Variants in IAH1 observed in about 807,000 individuals in gnomAD.
The protein encoded by IAH1 is isoamyl acetate-hydrolyzing esterase 1 homolog.
IAH1 carries 24 observed loss-of-function variants against 26.7 expected under a neutral mutation model. The ratio of observed to expected loss-of-function variants is 0.90; its 90% confidence interval spans 0.65 to 1.26. IAH1 has a LOEUF of 1.26. Ranked by LOEUF, IAH1 falls within the 50% of genes most tolerant of loss-of-function variation. IAH1 has a pLI of 0.00. For synonymous variants in IAH1, 140 were observed against 118.5 expected (o/e 1.18, Z -1.18); for missense variants, 300 against 299.9 (o/e 1.00, Z 0.00).
upstream of IAH1, chr2:9,474,538 G>C (rs1682355075): frequency 5.4e-6 from 7 of 1,293,720 alleles, no homozygotes; most frequent in Non-Finnish European, 7.2e-6. The surrounding 1 kb of genome is among the most constrained non-coding windows in gnomAD (Gnocchi z 4.3). Context: ...CGTGGCTGGC[G>C]GCCCCGCCCC....
chr2:9,480,175 C>G (rs889865148), intron 3 of IAH1, among the ~76,000 whole-genome samples: 1 of 151,996 alleles, frequency 6.6e-6, no homozygotes, highest in Non-Finnish European at 1.5e-5. Flanking sequence ...ATGTGGTCAC[C>G]CTACAACTAA....
chr2:9,507,547 CA>C, the IAH1 span, among the ~76,000 whole-genome samples: 41 of 152,112 alleles, frequency 2.7e-4, no homozygotes, highest in African/African-American at 9.2e-4. Context: ...ATAGAAGATG[CA>C]CATTATCTTC....
chr2:9,488,307 T>G lies in IAH1; in HGVS notation c.725T>G (p.Leu242Arg), dbSNP rs370514738. 4 of 1,608,246 alleles carry G rather than the reference T, an allele frequency of 2.5e-6. No homozygotes were observed. The African/African-American group carries it at 5.4e-5, about 22-fold the overall frequency. ...DVAEAKPELS[L>R]LGDGDH ...GCAGAAGCAAAACCTGAATTAAGTC[T>G]GCTGGGAGATGGAGACCATTAGCCA... The change falls in exon 6 of 6, where the codon CTG (leucine) becomes CGG (arginine). Residue 242 changes from leucine to arginine, a missense_variant. Coordinates refer to ENST00000497473, the MANE Select transcript of IAH1 (RefSeq NM_001039613.3).
At chr2:9,501,249 G>A (rs1662984564), downstream of IAH1, among the ~76,000 whole-genome samples, 1 of 151,890 alleles carries the variant, frequency 6.6e-6, no homozygotes, top group African/African-American at 2.4e-5. Flanking sequence ...GACAAGGGCT[G>A]TTAAAAAAAA....
At chr2:9,479,919 C>T (rs1013535966) in intron 3 of IAH1, among the ~76,000 whole-genome samples, 3 of 147,744 alleles carry the variant, frequency 2.0e-5, no homozygotes, top group Admixed American at 7.1e-5. Flanking sequence ...AATGATTCTC[C>T]TGCTTCAGCC....
Position 9,489,371 on chromosome 2 carries a change from C to T in IAH1, c.*1042C>T, listed in dbSNP as rs1025147870. On this transcript the variant is annotated 3_prime_UTR_variant, in exon 6 of 6. Coordinates refer to ENST00000497473, the MANE Select transcript of IAH1 (RefSeq NM_001039613.3). ...GTGCTGGGATTACAGGCATGAGCCA[C>T]CACTCCCAGCCAATAGTGAATTTTC... is the stretch of plus-strand genomic sequence containing the variant. 1 of 149,760 alleles carries T rather than the reference C, an allele frequency of 6.7e-6. No individual in the cohort carries two copies. The highest frequency in any genetic ancestry group is 1.5e-5 in the Non-Finnish European group (1 of 67,806). The allele number at this position is 149,760 out of a possible 1,614,324, so 9.3% of individuals were successfully genotyped here.
At position 9,484,481 on chromosome 2, in the gene IAH1, G is replaced by A. The variant is rs199532882; in HGVS notation, c.495G>A (p.Ala165=). The A allele has an allele frequency of 1.7e-5, 28 of 1,614,190 alleles. No individual in the cohort carries two copies. The highest frequency in any genetic ancestry group is 8.0e-5 in the African/African-American group (6 of 75,042). ...LNSVVGEYAN[A]CLQVAQDCGT... ...CTGTTGTTGGTGAATATGCCAATGCGTGTTTACAAGTGGCCCAAGACTGTG... is the reference window on the plus strand; with the variant it reads ...CTGTTGTTGGTGAATATGCCAATGCATGTTTACAAGTGGCCCAAGACTGTG... Residue 165 remains alanine (A), a synonymous_variant, in exon 5 of 6, where the codon GCG becomes GCA. Transcript: ENST00000497473.
downstream of IAH1, among the ~76,000 whole-genome samples, chr2:9,491,568 G>A (rs979763863): frequency 4.1e-5 from 6 of 147,816 alleles, no homozygotes; most frequent in African/African-American, 1.5e-4. Context: ...AGCATTCTTC[G>A]CACTGCCCCG....
chr2:9,480,123 A>G (rs1361577011), intron 3 of IAH1, among the ~76,000 whole-genome samples: 1 of 151,922 alleles, frequency 6.6e-6, no homozygotes, highest in African/African-American at 2.4e-5. Flanking sequence ...ATTGCTATTT[A>G]TATATAACAG....
chr2:9,484,551 G>GTA lies in IAH1; in HGVS notation c.564+2_564+3dup, dbSNP rs778734389. 1.0e-5 allele frequency: 16 copies of GTA among 1,601,998 alleles called. No homozygotes were observed. The South Asian group carries it at 1.8e-4, about 18-fold the overall frequency. ...GTGGACCCTGATGCAGGACAGCCAG[G>GTA]TACGGTGGCTTGCTCGGTCCTCTCG... On this transcript the variant is annotated splice_donor_variant, in intron 5 of 5. Transcript: ENST00000497473. LOFTEE classifies it high-confidence loss of function.
chr2:9,476,439 CTT>C (rs538340785), intron 2 of IAH1, among the ~76,000 whole-genome samples: 149 of 152,342 alleles, frequency 9.8e-4, no homozygotes, highest in Non-Finnish European at 1.7e-3. Flanking sequence ...TTCTACCGCA[CTT>C]TGTTTTGGTT....
At chr2:9,509,545 A>G in the IAH1 span, among the ~76,000 whole-genome samples, 1 of 152,352 alleles carries the variant, frequency 6.6e-6, no homozygotes, top group Admixed American at 6.5e-5. Context: ...CCTTTCTCCC[A>G]TGAGGCTTGT....
chr2:9,482,101 G>A (rs182073398), intron 4 of IAH1, among the ~76,000 whole-genome samples: 23 of 146,154 alleles, frequency 1.6e-4, no homozygotes, highest in African/African-American at 5.6e-4. Flanking sequence ...GCACGATCTC[G>A]GCTCACTGCA....
the IAH1 span, chr2:9,509,934 C>T: frequency 3.1e-6 from 5 of 1,605,862 alleles, no homozygotes; most frequent in Non-Finnish European, 4.3e-6. Flanking sequence ...TCATTATACA[C>T]AGCCTCTTTC....
intron 1 of IAH1, chr2:9,475,702 T>G: frequency 2.2e-6 from 1 of 456,890 alleles, no homozygotes; most frequent in Non-Finnish European, 4.0e-6. Flanking sequence ...GGTTTCGCCA[T>G]GTTGACCAGG....
At chr2:9,511,021 C>A in the IAH1 span, among the ~76,000 whole-genome samples, 1 of 152,174 alleles carries the variant, frequency 6.6e-6, no homozygotes, top group South Asian at 2.1e-4. Flanking sequence ...CAACCACACA[C>A]AATCTGGTGC....
At chr2:9,498,845 G>A (rs1209895382), downstream of IAH1, among the ~76,000 whole-genome samples, 2 of 152,172 alleles carry the variant, frequency 1.3e-5, no homozygotes, top group Non-Finnish European at 2.9e-5. Flanking sequence ...TTGAGCATCT[G>A]TTCTTAAAAG....
At chr2:9,479,795 C>CTTTTTTTTTTTTTT (rs5829216) in intron 3 of IAH1, among the ~76,000 whole-genome samples, 3 of 69,868 alleles carry the variant, frequency 4.3e-5, no homozygotes, top group African/African-American at 5.3e-5. Flanking sequence ...CTGTGTATTG[C>CTTTTTTTTTTTTTT]TTTTTTTTTT....
At chr2:9,509,268 T>G in the IAH1 span, among the ~76,000 whole-genome samples, 1 of 152,234 alleles carries the variant, frequency 6.6e-6, no homozygotes, top group Non-Finnish European at 1.5e-5. Context: ...CTTTATGCTG[T>G]TTAACTTCAA....
Sources: allele counts gnomAD v4.1 joint callset (sites outside exome capture counted in the v4.1 genomes callset), GRCh38; gene constraint gnomAD v4.1.1; non-coding constraint Gnocchi (gnomAD v3.1); transcripts MANE v1.5; gene names NCBI Gene and HGNC (gene_info 2026-07-23, HGNC 2026-07-21).